TSC22D2: variants seen among roughly 807,000 people sequenced by gnomAD.
TSC22D2 encodes the protein TSC22 domain family protein 2.
A neutral mutation model predicts 50.1 loss-of-function variants in TSC22D2; 5 were observed. The ratio of observed to expected loss-of-function variants is 0.10; its 90% confidence interval spans 0.05 to 0.21. TSC22D2 has a LOEUF of 0.21. Among genes scored for constraint, TSC22D2 ranks in the 10% least tolerant of loss-of-function variants. The pLI is 1.00. For synonymous variants in TSC22D2, 501 were observed against 450.1 expected, an observed-to-expected ratio of 1.11 and a Z score of -1.43; for missense variants, 1,003 against 1,015.5, an observed-to-expected ratio of 0.99 and a Z score of 0.17.
At chr3:150,452,378 G>T (rs1054958847) in intron 1 of TSC22D2, among the ~76,000 whole-genome samples, 2 of 151,930 alleles carry the variant, frequency 1.3e-5, no homozygotes, top group Non-Finnish European at 1.5e-5. Flanking sequence ...CCGGGAGGAA[G>T]AAGTTGCGGT....
At chr3:150,416,753 A>T (rs1323963982) in intron 1 of TSC22D2, among the ~76,000 whole-genome samples, 1 of 152,012 alleles carries the variant, frequency 6.6e-6, no homozygotes, top group East Asian at 1.9e-4. Flanking sequence ...TTTGAGGTAT[A>T]CTCTTCAGAT....
Position 150,409,976 on chromosome 3 carries a change from A to G in TSC22D2, c.626A>G (p.Asp209Gly). 6.2e-7 allele frequency: 1 copy of G among 1,613,828 alleles called. No homozygotes were observed. The highest frequency in any genetic ancestry group is 8.5e-7 in the Non-Finnish European group (1 of 1,180,014). The change falls in exon 1 of 3, where the codon GAC becomes GGC. Residue 209 changes from aspartate (D) to glycine (G), a missense_variant. Transcript: ENST00000688009. This position sits in a 1 kb window ranked among gnomAD's most constrained non-coding sequence, Gnocchi z 7.4. ...GDCIRHSSTF[D>G]QTAERDSGLG... ...TGCATTAGACACAGCAGTACTTTTGACCAGACTGCGGAGCGGGACAGCGGC... is the reference window on the plus strand; with the variant it reads ...TGCATTAGACACAGCAGTACTTTTGGCCAGACTGCGGAGCGGGACAGCGGC...
intron 1 of TSC22D2, among the ~76,000 whole-genome samples, chr3:150,441,758 A>G (rs1369218533): frequency 3.9e-5 from 6 of 152,170 alleles, no homozygotes; most frequent in Non-Finnish European, 8.8e-5. Flanking sequence ...AGTCTCAATC[A>G]ATCAATCAGT....
At chr3:150,436,911 T>C (rs368391118) in intron 1 of TSC22D2, among the ~76,000 whole-genome samples, 10 of 152,320 alleles carry the variant, frequency 6.6e-5, no homozygotes, top group African/African-American at 1.9e-4. Context: ...CAAGTATCTT[T>C]TGAGATAGCT....
intron 1 of TSC22D2, among the ~76,000 whole-genome samples, chr3:150,447,380 C>A (rs554863047): frequency 1.3e-5 from 2 of 152,204 alleles, no homozygotes; most frequent in Non-Finnish European, 2.9e-5. Context: ...TGGTTTGAGT[C>A]GCCTACTGCA....
At chr3:150,444,277 T>C (rs1425235627) in intron 1 of TSC22D2, among the ~76,000 whole-genome samples, 1 of 152,210 alleles carries the variant, frequency 6.6e-6, no homozygotes, top group Non-Finnish European at 1.5e-5. Flanking sequence ...CATGATGAGC[T>C]CAATATAACA....
Position 150,408,836 on chromosome 3 carries a change from G to A in TSC22D2, c.-515G>A, listed in dbSNP as rs1282217774. 6.5e-6 allele frequency: 1 copy of A among 153,460 alleles called. No individual in the cohort carries two copies. The highest frequency in any genetic ancestry group is 6.5e-5 in the Admixed American group (1 of 15,310). The allele number at this position is 153,460 out of a possible 1,614,324, so 9.5% of individuals were successfully genotyped here. On this transcript the variant is annotated 5_prime_UTR_variant, in exon 1 of 3. Transcript: ENST00000688009. The stretch of plus-strand genomic sequence containing the variant: ...CGCCGCTCCTTCCCTCAGTCAGAGA[G>A]CCCAGCGCTGACGCCGGCACCGGCC...
chr3:150,446,093 CAAAAA>C (rs34550896), intron 1 of TSC22D2, among the ~76,000 whole-genome samples: 2 of 104,074 alleles, frequency 1.9e-5, no homozygotes, highest in Non-Finnish European at 3.8e-5. Flanking sequence ...GACTCCATCT[CAAAAA>C]AAAAAAAAAA....
Position 150,410,370 on chromosome 3 carries a change from G to A in TSC22D2, c.1020G>A (p.Pro340=). 6.2e-7 allele frequency: 1 copy of A among 1,601,720 alleles called. No individual in the cohort carries two copies. The highest frequency in any genetic ancestry group is 8.5e-7 in the Non-Finnish European group (1 of 1,174,614). ...TLAQPAMSLP[P]QPGPAVGAPA... is the part of the protein sequence containing the mutation. Reference sequence around the variant, plus strand: ...CGCAGCCGGCTATGTCCCTGCCTCCGCAGCCGGGCCCTGCAGTGGGCGCCC... The same window carrying A: ...CGCAGCCGGCTATGTCCCTGCCTCCACAGCCGGGCCCTGCAGTGGGCGCCC... Residue 340 remains proline (P), a synonymous_variant, in exon 1 of 3, where the codon CCG becomes CCA. Transcript: ENST00000688009.
chr3:150,410,693 A>T lies in TSC22D2; in HGVS notation c.1343A>T (p.Gln448Leu), dbSNP rs768579073. 1 of 1,568,322 alleles carries T rather than the reference A, an allele frequency of 6.4e-7. No individual in the cohort carries two copies. Among genetic ancestry groups the T allele is most frequent in the South Asian group, 1.2e-5 (1 of 86,494 alleles). ...CGGACGGGACCAGCGCAAGGCGGGCAGGTCGCGCCTTGTCAGCCGACTGGA... is the reference window on the plus strand; with the variant it reads ...CGGACGGGACCAGCGCAAGGCGGGCTGGTCGCGCCTTGTCAGCCGACTGGA... ...APRTGPAQGG[Q>L]VAPCQPTGVP... The change falls in exon 1 of 3, where the codon CAG becomes CTG. Residue 448 changes from glutamine to leucine, a missense_variant. Coordinates refer to ENST00000688009, the MANE Select transcript of TSC22D2 (RefSeq NM_001303264.2).
chr3:150,445,316 AAATAAT>A (rs139705131), intron 1 of TSC22D2, among the ~76,000 whole-genome samples: 32,942 of 142,324 alleles, frequency 0.23, 3,882 homozygotes, highest in East Asian at 0.28. Flanking sequence ...TCTGTCTCAA[AAATAAT>A]AATAATAATA....
intron 1 of TSC22D2, among the ~76,000 whole-genome samples, chr3:150,451,352 A>G (rs1038522306): frequency 6.6e-6 from 1 of 152,242 alleles, no homozygotes; most frequent in Non-Finnish European, 1.5e-5. Context: ...TGTATCAGCT[A>G]TAAAAAGATC....
intron 1 of TSC22D2, among the ~76,000 whole-genome samples, chr3:150,417,660 G>A (rs1719861983): frequency 6.6e-6 from 1 of 152,056 alleles, no homozygotes; most frequent in Admixed American, 6.6e-5. Flanking sequence ...ATGTGTGCAA[G>A]TAATTTGAAC....
intron 1 of TSC22D2, among the ~76,000 whole-genome samples, chr3:150,424,522 AAT>A (rs1312268704): frequency 6.6e-6 from 1 of 152,162 alleles, no homozygotes; most frequent in Admixed American, 6.5e-5. Flanking sequence ...TGATAATTTG[AAT>A]ATGATATTGA....
intron 1 of TSC22D2, among the ~76,000 whole-genome samples, chr3:150,431,224 CA>C (rs71138443): frequency 0.058 from 1,611 of 27,848 alleles, 3 homozygotes; most frequent in Middle Eastern, 0.12. Flanking sequence ...GGCTCTGTCT[CA>C]AAAAAAAAAA....
intron 1 of TSC22D2, among the ~76,000 whole-genome samples, chr3:150,435,998 G>A (rs1171045162): frequency 6.6e-6 from 1 of 152,042 alleles, no homozygotes; most frequent in Non-Finnish European, 1.5e-5. Context: ...TCTGAACGCT[G>A]TTCATCTGTA....
chr3:150,452,761 G>T (rs2108102468), intron 1 of TSC22D2, among the ~76,000 whole-genome samples: 1 of 152,246 alleles, frequency 6.6e-6, no homozygotes, highest in Admixed American at 6.5e-5. Context: ...TTTTGGAGCA[G>T]CAATTCCAGT....
intron 1 of TSC22D2, among the ~76,000 whole-genome samples, chr3:150,412,209 A>G (rs933781327): frequency 4.6e-5 from 7 of 152,330 alleles, no homozygotes; most frequent in African/African-American, 1.7e-4. Flanking sequence ...GAGATGTCAC[A>G]TGTAAATTTG....
At chr3:150,415,277 G>C (rs977742992) in intron 1 of TSC22D2, among the ~76,000 whole-genome samples, 1 of 152,132 alleles carries the variant, frequency 6.6e-6, no homozygotes, top group Admixed American at 6.6e-5. Context: ...AAAATTTTAT[G>C]TGCACTAAAT....
Sources: allele counts gnomAD v4.1 joint callset (sites outside exome capture counted in the v4.1 genomes callset), GRCh38; gene constraint gnomAD v4.1.1; non-coding constraint Gnocchi (gnomAD v3.1); transcripts MANE v1.5; gene names NCBI Gene and HGNC (gene_info 2026-07-23, HGNC 2026-07-21).